PDE12: variants seen among roughly 807,000 people sequenced by gnomAD.
PDE12 encodes the protein phosphodiesterase 12, also known as 2',5'-phosphodiesterase 12.
PDE12 carries 26 observed loss-of-function variants against 45.4 expected under a neutral mutation model. The ratio of observed to expected loss-of-function variants is 0.57; its 90% CI spans 0.42 to 0.79. PDE12 has a LOEUF of 0.79. Among genes scored for constraint, PDE12 ranks in the 30% least tolerant of loss-of-function variants. PDE12 has a pLI of 0.00. For missense variants in PDE12, 668 were observed against 790.0 expected (o/e 0.85, Z 1.85); for synonymous variants, 283 against 323.9 (o/e 0.87, Z 1.36).
the PDE12 span, among the ~76,000 whole-genome samples, chr3:57,586,650 T>A: frequency 1.3e-5 from 2 of 152,094 alleles, no homozygotes; most frequent in African/African-American, 4.8e-5. Flanking sequence ...ATGAGCATAA[T>A]AATAAAAACC....
downstream of PDE12, among the ~76,000 whole-genome samples, chr3:57,570,219 G>GTTTTTTT (rs34599005): frequency 3.8e-3 from 385 of 102,316 alleles, 10 homozygotes; most frequent in African/African-American, 5.3e-3. Context: ...TTAATCCAGT[G>GTTTTTTT]TTTTTTTTTT....
Sources: gnomAD v4.1 joint callset for allele counts (sites outside exome capture counted in the v4.1 genomes callset) on GRCh38, gnomAD v4.1.1 for gene constraint, MANE v1.5 for transcripts, NCBI Gene and HGNC (gene_info 2026-07-23, HGNC 2026-07-21) for gene names.